The following PABPC4L variants were observed in gnomAD, a reference collection of about 807,000 sequenced individuals.
The protein encoded by PABPC4L is poly(A) binding protein cytoplasmic 4 like, also known as polyadenylate-binding protein 4-like.
For missense variants in PABPC4L, 452 were observed against 451.4 expected (o/e 1.00, Z -0.01); for synonymous variants, 169 against 164.1 (o/e 1.03, Z -0.23).
chr4:134,136,838 C>T, the PABPC4L span, among the ~76,000 whole-genome samples: 1 of 151,948 alleles, frequency 6.6e-6, no homozygotes, highest in Admixed American at 6.6e-5. Flanking sequence ...CTGAAATTTG[C>T]TCTGACTATG....
chr4:133,957,822 G>A, the PABPC4L span, among the ~76,000 whole-genome samples: 1 of 152,186 alleles, frequency 6.6e-6, no homozygotes, highest in Admixed American at 6.5e-5. Context: ...TTCTGAATTA[G>A]TGTCCCGAGC....
the PABPC4L span, among the ~76,000 whole-genome samples, chr4:133,991,958 T>G: frequency 6.6e-6 from 1 of 152,132 alleles, no homozygotes; most frequent in Non-Finnish European, 1.5e-5. Flanking sequence ...CAGGCATTGA[T>G]CTGTGTGATT....
the PABPC4L span, among the ~76,000 whole-genome samples, chr4:134,116,941 G>T: frequency 6.6e-6 from 1 of 151,290 alleles, no homozygotes; most frequent in Non-Finnish European, 1.5e-5. Context: ...TTACAGTTTT[G>T]CCCTGTTACT....
the PABPC4L span, among the ~76,000 whole-genome samples, chr4:134,107,468 T>G: frequency 6.6e-6 from 1 of 151,752 alleles, no homozygotes; most frequent in Middle Eastern, 3.4e-3. Flanking sequence ...AACTTGTCTA[T>G]AAAATTCCAG....
At chr4:134,117,955 T>C in the PABPC4L span, among the ~76,000 whole-genome samples, 2 of 151,748 alleles carry the variant, frequency 1.3e-5, no homozygotes, top group Non-Finnish European at 2.9e-5. Context: ...AGCTTTGCTT[T>C]TACTTCCCAT....
chr4:134,143,870 A>G, the PABPC4L span, among the ~76,000 whole-genome samples: 1 of 151,540 alleles, frequency 6.6e-6, no homozygotes, highest in Non-Finnish European at 1.5e-5. Context: ...CACTATGAAA[A>G]TAGAAAGGCT....
chr4:133,988,013 T>C, the PABPC4L span, among the ~76,000 whole-genome samples: 1 of 152,148 alleles, frequency 6.6e-6, no homozygotes, highest in African/African-American at 2.4e-5. Context: ...AAGCCCCTTA[T>C]GAAACCATCA....
At chr4:133,992,315 C>A in the PABPC4L span, among the ~76,000 whole-genome samples, 60 of 152,294 alleles carry the variant, frequency 3.9e-4, no homozygotes, top group Non-Finnish European at 4.1e-4. Context: ...CTGGCTACAT[C>A]CTTTTGCACA....
chr4:134,050,159 T>A, the PABPC4L span, among the ~76,000 whole-genome samples: 3 of 152,158 alleles, frequency 2.0e-5, no homozygotes, highest in Non-Finnish European at 2.9e-5. Context: ...CATTAAAAAA[T>A]TTTTTTCAAC....
At chr4:134,169,915 T>C in the PABPC4L span, among the ~76,000 whole-genome samples, 1 of 152,170 alleles carries the variant, frequency 6.6e-6, no homozygotes, top group East Asian at 1.9e-4. Context: ...AATATGCAAG[T>C]GTGTTACATA....
chr4:134,067,006 G>A, the PABPC4L span, among the ~76,000 whole-genome samples: 1 of 151,678 alleles, frequency 6.6e-6, no homozygotes, highest in Non-Finnish European at 1.5e-5. Context: ...TCTTCTTTTT[G>A]TTGTTTCTGC....
chr4:134,029,568 A>G, the PABPC4L span, among the ~76,000 whole-genome samples: 1 of 152,000 alleles, frequency 6.6e-6, no homozygotes, highest in Admixed American at 6.6e-5. Flanking sequence ...GCTTAGCTAG[A>G]TATACAGAAT....
the PABPC4L span, among the ~76,000 whole-genome samples, chr4:134,140,764 G>C: frequency 6.6e-6 from 1 of 151,678 alleles, no homozygotes; most frequent in Non-Finnish European, 1.5e-5. Context: ...GTTTTGACTA[G>C]TTTGATTATG....
At chr4:134,193,833 T>C (rs999911872), downstream of PABPC4L, among the ~76,000 whole-genome samples, 13 of 152,044 alleles carry the variant, frequency 8.6e-5, no homozygotes, top group African/African-American at 2.2e-4. Flanking sequence ...CATATAAATA[T>C]TCAATAAAAT....
At chr4:133,982,731 C>T in the PABPC4L span, among the ~76,000 whole-genome samples, 1 of 152,046 alleles carries the variant, frequency 6.6e-6, no homozygotes, top group Admixed American at 6.5e-5. Flanking sequence ...GCATTCCATG[C>T]TAATTTGTAA....
the PABPC4L span, among the ~76,000 whole-genome samples, chr4:133,968,476 C>A: frequency 6.6e-6 from 1 of 152,146 alleles, no homozygotes; most frequent in Non-Finnish European, 1.5e-5. Context: ...GGCTGAATAA[C>A]ACAAACATTA....
At chr4:134,079,900 T>C in the PABPC4L span, among the ~76,000 whole-genome samples, 2 of 152,020 alleles carry the variant, frequency 1.3e-5, no homozygotes, top group Non-Finnish European at 2.9e-5. Context: ...TTCAGAAAAC[T>C]ATATAGTTTA....
the PABPC4L span, among the ~76,000 whole-genome samples, chr4:134,074,339 A>G: frequency 6.6e-6 from 1 of 152,088 alleles, no homozygotes; most frequent in Non-Finnish European, 1.5e-5. Context: ...GTCTGAGACC[A>G]CCTCAGCCTG....
At chr4:134,072,039 TA>T in the PABPC4L span, among the ~76,000 whole-genome samples, 28,445 of 151,982 alleles carry the variant, frequency 0.19, 3,293 homozygotes, top group Admixed American at 0.25. Flanking sequence ...AATATAAGCA[TA>T]ATTCAATAGA....
Sources: gnomAD v4.1 joint callset for allele counts (sites outside exome capture counted in the v4.1 genomes callset) on GRCh38, gnomAD v4.1.1 for gene constraint, MANE v1.5 for transcripts, NCBI Gene and HGNC (gene_info 2026-07-23, HGNC 2026-07-21) for gene names.